CDH12: variants seen among roughly 807,000 people sequenced by gnomAD.
CDH12 encodes the protein cadherin 12.
CDH12 carries 41 observed loss-of-function variants against 74.1 expected under a neutral mutation model. That is an observed-to-expected ratio of 0.55 (90% CI 0.43 to 0.72). CDH12 has a LOEUF of 0.72. Ranked by LOEUF, CDH12 falls within the 30% of genes least tolerant of loss-of-function variation. The pLI is 0.00. For missense variants in CDH12, 945 were observed against 977.2 expected, an observed-to-expected ratio of 0.97 and a Z score of 0.44; for synonymous variants, 399 against 355.0, an observed-to-expected ratio of 1.12 and a Z score of -1.39.
chr5:21,808,598 A>C (rs1394073493), intron 9 of CDH12, among the ~76,000 whole-genome samples: 5 of 152,076 alleles, frequency 3.3e-5, no homozygotes, highest in Non-Finnish European at 7.4e-5. Flanking sequence ...ACCAGGATGC[A>C]CAGACACTAG....
At chr5:22,072,317 AC>A (rs1199192877) in intron 5 of CDH12, among the ~76,000 whole-genome samples, 4 of 152,040 alleles carry the variant, frequency 2.6e-5, no homozygotes, top group Non-Finnish European at 1.5e-5. Context: ...TGACCATCTG[AC>A]TTTACTGAAA....
At chr5:22,581,597 C>T (rs1042261623) in intron 1 of CDH12, among the ~76,000 whole-genome samples, 7 of 152,148 alleles carry the variant, frequency 4.6e-5, no homozygotes, top group African/African-American at 1.7e-4. Context: ...GGTCAGGGCC[C>T]CACACAGAGT....
At chr5:22,017,241 C>T (rs1285801661) in intron 5 of CDH12, among the ~76,000 whole-genome samples, 1 of 152,062 alleles carries the variant, frequency 6.6e-6, no homozygotes, top group Non-Finnish European at 1.5e-5. Context: ...CTTACAAAAA[C>T]AGCTCAAAAA....
chr5:22,239,664 C>T (rs952230550), intron 3 of CDH12, among the ~76,000 whole-genome samples: 6 of 151,906 alleles, frequency 3.9e-5, no homozygotes, highest in African/African-American at 7.3e-5. Flanking sequence ...TGTCGTTTAA[C>T]GGTGTTGAGG....
At chr5:22,408,247 CATAG>C (rs6148940) in intron 2 of CDH12, among the ~76,000 whole-genome samples, 57,417 of 141,568 alleles carry the variant, frequency 0.41, 11,813 homozygotes, top group Admixed American at 0.49. Flanking sequence ...GTCAAGAAAT[CATAG>C]ATAGAGTTTC....
chr5:22,436,494 G>A (rs539291419), intron 2 of CDH12, among the ~76,000 whole-genome samples: 1 of 151,380 alleles, frequency 6.6e-6, no homozygotes, highest in South Asian at 2.1e-4. Flanking sequence ...AAAAAACTCT[G>A]CTCCCTGAAT....
At chr5:22,522,519 T>A (rs1212575932) in intron 1 of CDH12, among the ~76,000 whole-genome samples, 1 of 152,140 alleles carries the variant, frequency 6.6e-6, no homozygotes, top group Non-Finnish European at 1.5e-5. Flanking sequence ...TATTTCATTG[T>A]TGTTGTCCTC....
chr5:22,249,534 G>A (rs1273773449), intron 3 of CDH12, among the ~76,000 whole-genome samples: 1 of 152,164 alleles, frequency 6.6e-6, no homozygotes, highest in Non-Finnish European at 1.5e-5. Flanking sequence ...GCCTCAAGGA[G>A]CTGGTTTACT....
chr5:22,126,720 C>T (rs577209955), intron 4 of CDH12, among the ~76,000 whole-genome samples: 1 of 152,282 alleles, frequency 6.6e-6, no homozygotes, highest in Non-Finnish European at 1.5e-5. Flanking sequence ...TGCAGAGTCT[C>T]TCATCTATTC....
At chr5:21,801,446 G>A (rs573207053) in intron 10 of CDH12, among the ~76,000 whole-genome samples, 18 of 152,198 alleles carry the variant, frequency 1.2e-4, no homozygotes, top group Admixed American at 2.0e-4. Flanking sequence ...ACAATAGAAC[G>A]AATGGGAAAT....
At chr5:22,323,660 C>T (rs1355299991) in intron 3 of CDH12, among the ~76,000 whole-genome samples, 1 of 151,840 alleles carries the variant, frequency 6.6e-6, no homozygotes, top group Non-Finnish European at 1.5e-5. Context: ...AGTACAAGGC[C>T]CAGGGAAGAC....
chr5:22,126,096 A>G (rs575004848), intron 4 of CDH12, among the ~76,000 whole-genome samples: 22 of 152,172 alleles, frequency 1.4e-4, no homozygotes, highest in African/African-American at 4.3e-4. Context: ...TGCTTTTAAT[A>G]AAGCTTACAT....
Position 21,760,636 on chromosome 5 carries a change from G to A in CDH12, c.1555C>T (p.Pro519Ser). The A allele has an allele frequency of 6.2e-7, 1 of 1,611,526 alleles. No homozygotes were observed. The highest frequency in any genetic ancestry group is 8.5e-7 in the Non-Finnish European group (1 of 1,177,894). ...CTAAAGGAGAATTGTTGCCCAGCAG[G>A]TGAAAGATCTCGGTCTGCAGCACTG... ...IVSAADRDLSPAGQQFSFRLS... is the reference protein window; with the variant it reads ...IVSAADRDLSSAGQQFSFRLS... Residue 519 changes from proline to serine, a missense_variant, in exon 13 of 15, where the codon CCT (proline) becomes TCT (serine). By Grantham distance (74) the Pro-to-Ser change is moderately conservative. This residue lies in a region of CDH12 where 791 missense variants were observed against 792.8 expected (regional missense o/e 1.00). Coordinates refer to ENST00000382254, the MANE Select transcript of CDH12 (RefSeq NM_004061.5).
At chr5:22,539,172 GAT>G (rs1342648982) in intron 1 of CDH12, among the ~76,000 whole-genome samples, 1 of 152,170 alleles carries the variant, frequency 6.6e-6, no homozygotes, top group Non-Finnish European at 1.5e-5. Context: ...TATGTGTGTT[GAT>G]ATTCTGTGTA....
Position 22,343,321 on chromosome 5 carries a change from CACAGAGAGAGAGAGAG to C in CDH12, c.-333+61920_-333+61935del, listed in dbSNP as rs1412421304. ...ACACACACACACACACAGACACACA[CACAGAGAGAGAGAGAG>C]AGAGAGAGAGAGAGAGAGAGAGAGA... On this transcript the variant is annotated intron_variant, in intron 3 of 14. Coordinates refer to ENST00000382254, the MANE Select transcript of CDH12 (RefSeq NM_004061.5). Among the ~76,000 whole-genome samples the C allele has an allele frequency of 4.1e-3, 512 of 124,286 alleles. 2 individuals are homozygous for C. Among genetic ancestry groups the C allele is most frequent in the African/African-American group, 0.018 (489 of 26,920 alleles). The allele number at this position is 124,286 out of a possible 152,430, so 81.5% of individuals were successfully genotyped here. A position where few individuals can be genotyped will look rare whatever the true frequency, so the allele number is the denominator to read the frequency against.
At chr5:22,730,978 T>C (rs760307224) in intron 1 of CDH12, among the ~76,000 whole-genome samples, 5 of 151,774 alleles carry the variant, frequency 3.3e-5, no homozygotes, top group Non-Finnish European at 5.9e-5. Context: ...ATTAGAAAGA[T>C]GTTGTTGCTA....
intron 6 of CDH12, among the ~76,000 whole-genome samples, chr5:21,966,180 T>C (rs890904385): frequency 1.3e-5 from 2 of 150,222 alleles, no homozygotes; most frequent in African/African-American, 4.9e-5. Context: ...TTTTTTCTTT[T>C]GGAAGAGGTA....
chr5:21,960,979 C>T (rs4028739), intron 6 of CDH12, among the ~76,000 whole-genome samples: 24,555 of 152,036 alleles, frequency 0.16, 2,280 homozygotes, highest in African/African-American at 0.25. Flanking sequence ...CCTTCATAAA[C>T]GTTCCATGTA....
chr5:22,755,459 T>A (rs1441468176), intron 1 of CDH12, among the ~76,000 whole-genome samples: 1 of 152,082 alleles, frequency 6.6e-6, no homozygotes. Context: ...ACAGTTTGAG[T>A]TTGTATCCAA....
Sources: allele counts gnomAD v4.1 joint callset (sites outside exome capture counted in the v4.1 genomes callset), GRCh38; gene constraint gnomAD v4.1.1; regional missense constraint gnomAD v4.1.1; transcripts MANE v1.5; gene names NCBI Gene and HGNC (gene_info 2026-07-23, HGNC 2026-07-21).